FRMD4A: variants seen among roughly 807,000 people sequenced by gnomAD.
The protein encoded by FRMD4A is FERM domain-containing protein 4A.
In FRMD4A, 29 loss-of-function variants were observed where a neutral mutation model predicts 129.1. The observed-to-expected ratio is 0.22, with a 90% CI of 0.17 to 0.31. The LOEUF (loss-of-function observed/expected upper bound fraction) is 0.31, where lower values mean the gene tolerates loss of function less well. Ranked by LOEUF, FRMD4A falls within the 10% of genes least tolerant of loss-of-function variation. FRMD4A has a pLI of 1.00. For synonymous variants in FRMD4A, 634 were observed against 571.6 expected, an observed-to-expected ratio of 1.11 and a Z score of -1.56; for missense variants, 1,272 against 1,375.8, an observed-to-expected ratio of 0.92 and a Z score of 1.19.
At chr10:13,846,848 T>A (rs1477106284) in intron 3 of FRMD4A, among the ~76,000 whole-genome samples, 1 of 152,164 alleles carries the variant, frequency 6.6e-6, no homozygotes, top group African/African-American at 2.4e-5. Context: ...GGATGGATAC[T>A]CTGGTTGTGT....
intron 5 of FRMD4A, among the ~76,000 whole-genome samples, chr10:13,788,167 A>G (rs977058896): frequency 2.0e-5 from 3 of 151,974 alleles, no homozygotes; most frequent in African/African-American, 7.2e-5. Context: ...GGGTTAGCCA[A>G]TTTCCAGACC....
chr10:14,027,137 G>A (rs1279165233), intron 2 of FRMD4A, among the ~76,000 whole-genome samples: 1 of 152,054 alleles, frequency 6.6e-6, no homozygotes, highest in Non-Finnish European at 1.5e-5. Flanking sequence ...ATTAAATTTG[G>A]ACAAAATGTT....
chr10:13,702,226 C>T (rs2086899746), intron 13 of FRMD4A, among the ~76,000 whole-genome samples: 1 of 152,164 alleles, frequency 6.6e-6, no homozygotes, highest in African/African-American at 2.4e-5. Context: ...TGCCCCCCAC[C>T]ACTCCGGGCT....
At chr10:13,823,584 AT>A (rs199738158) in intron 3 of FRMD4A, among the ~76,000 whole-genome samples, 332 of 152,148 alleles carry the variant, frequency 2.2e-3, no homozygotes, top group African/African-American at 7.7e-3. Flanking sequence ...TGCCACTTCC[AT>A]TTTTTTGTTG....
At chr10:13,755,133 A>G (rs1259552136) in intron 8 of FRMD4A, among the ~76,000 whole-genome samples, 1 of 152,226 alleles carries the variant, frequency 6.6e-6, no homozygotes, top group African/African-American at 2.4e-5. Context: ...TAAAGATCGC[A>G]ATCGATATAA....
chr10:14,102,068 G>A (rs1346923370), intron 2 of FRMD4A, among the ~76,000 whole-genome samples: 1 of 152,168 alleles, frequency 6.6e-6, no homozygotes, highest in Non-Finnish European at 1.5e-5. Context: ...TACCTTTTGG[G>A]AAAACGCAGG....
chr10:14,110,209 TA>T (rs1204571413), intron 2 of FRMD4A, among the ~76,000 whole-genome samples: 42 of 142,232 alleles, frequency 3.0e-4, no homozygotes, highest in Admixed American at 5.0e-4. Context: ...CAGATGTGGT[TA>T]AAAAAAAAAC....
intron 2 of FRMD4A, among the ~76,000 whole-genome samples, chr10:14,170,729 G>C (rs750749322): frequency 6.6e-6 from 1 of 152,064 alleles, no homozygotes; most frequent in Non-Finnish European, 1.5e-5. Flanking sequence ...TAAAAACATA[G>C]CTATAATCTT....
In FRMD4A at chr10:14,039,399, C is replaced by CTATCTATCT. The variant is rs1555021803; in HGVS notation, c.46-180488_46-180487insAGATAGATA. On this transcript the variant is annotated intron_variant, in intron 2 of 24. Transcript: ENST00000357447. ...CCATCCATCCATCCATCCATCCATC[C>CTATCTATCT]ATCCATCCATCTATCTATCTATCTA... Among the ~76,000 whole-genome samples the CTATCTATCT allele has an allele frequency of 3.5e-3, 503 of 143,216 alleles. 7 individuals are homozygous for CTATCTATCT. Among genetic ancestry groups the CTATCTATCT allele is most frequent in the East Asian group, 0.018 (94 of 5,084 alleles). 94.0% of individuals were successfully genotyped at this position (143,216 alleles called of 152,430 possible).
rs532546457 is a variant in FRMD4A, at chr10:14,327,838, C to T, written c.45+2220G>A. On this transcript the variant is annotated intron_variant, in intron 2 of 24. Transcript: ENST00000357447. ...GGCTACTTTCCTCAGTGAGCAGACA[C>T]GCGATAAATACTGACAACTGATTGG... 7.9e-5 allele frequency among the ~76,000 whole-genome samples: 12 copies of T among 152,300 alleles called. No homozygotes were observed. In the East Asian group the frequency reaches 1.4e-3, roughly 17 times the overall value.
intron 2 of FRMD4A, among the ~76,000 whole-genome samples, chr10:13,864,504 C>T (rs2094338930): frequency 6.6e-6 from 1 of 151,752 alleles, no homozygotes; most frequent in Admixed American, 6.6e-5. Context: ...TTGGTTTAGC[C>T]ACTTGTTGAT....
chr10:14,015,564 G>A (rs1005991809), intron 2 of FRMD4A, among the ~76,000 whole-genome samples: 2 of 152,218 alleles, frequency 1.3e-5, no homozygotes, highest in Middle Eastern at 3.4e-3. Context: ...TATCCTTGCT[G>A]TGGGAGAGGG....
intron 2 of FRMD4A, among the ~76,000 whole-genome samples, chr10:13,993,955 T>C (rs2095612989): frequency 6.6e-6 from 1 of 151,974 alleles, no homozygotes; most frequent in South Asian, 2.1e-4. Flanking sequence ...TGTTTCCTTT[T>C]TATGAAAATC....
chr10:13,678,611 C>T lies in FRMD4A; in HGVS notation c.1118-3567G>A, dbSNP rs142969088. 5.2e-3 allele frequency among the ~76,000 whole-genome samples: 794 copies of T among 152,318 alleles called. 2 individuals are homozygous for T. The highest frequency in any genetic ancestry group is 7.7e-3 in the Non-Finnish European group (521 of 68,028). ...ACATGAGCATGTGTGCGCACGCGCACGCACACACGTCCTAGTAGAATTAGA... is the reference window on the plus strand; with the variant it reads ...ACATGAGCATGTGTGCGCACGCGCATGCACACACGTCCTAGTAGAATTAGA... On this transcript the variant is annotated intron_variant, in intron 15 of 24. Transcript: ENST00000357447.
At chr10:14,330,478 A>G in intron 1 of FRMD4A, 119 bp downstream of exon 1, 1 of 409,520 alleles carries the variant, frequency 2.4e-6, no homozygotes, top group African/African-American at 2.0e-5. Context: ...TTCTTCCTTT[A>G]ACTGACAATT....
rs1022848357 is a variant in FRMD4A, at chr10:13,836,292, C to T, written c.111+22555G>A. 5.9e-5 allele frequency among the ~76,000 whole-genome samples: 9 copies of T among 152,148 alleles called. No homozygotes were observed. In the South Asian group the frequency reaches 1.0e-3, roughly 18 times the overall value. On this transcript the variant is annotated intron_variant, in intron 3 of 24. Transcript: ENST00000357447. The stretch of plus-strand genomic sequence containing the variant: ...GGATTACAGGTGTGAGCCAAAGCAC[C>T]GGGCCAGGATTTTGGTTATTCTTTA...
chr10:13,885,613 A>C (rs565058239), intron 2 of FRMD4A, among the ~76,000 whole-genome samples: 2 of 152,266 alleles, frequency 1.3e-5, no homozygotes, highest in East Asian at 3.9e-4. Context: ...GATAACCCCC[A>C]GATCACATAT....
chr10:13,694,296 G>T (rs1345595255), intron 14 of FRMD4A, among the ~76,000 whole-genome samples: 1 of 152,204 alleles, frequency 6.6e-6, no homozygotes, highest in African/African-American at 2.4e-5. Context: ...GCACTGCTTT[G>T]TGCTTAAGAG....
At chr10:13,936,120 T>A (rs1045429449) in intron 2 of FRMD4A, among the ~76,000 whole-genome samples, 2 of 152,202 alleles carry the variant, frequency 1.3e-5, no homozygotes, top group Non-Finnish European at 2.9e-5. Context: ...AAAGTGGATA[T>A]AATTCTTACC....
Sources: gnomAD v4.1 joint callset for allele counts (sites outside exome capture counted in the v4.1 genomes callset) on GRCh38, gnomAD v4.1.1 for gene constraint, MANE v1.5 for transcripts, NCBI Gene and HGNC (gene_info 2026-07-23, HGNC 2026-07-21) for gene names.